The following CAPS2 variants were observed in gnomAD, a reference collection of about 807,000 sequenced individuals.
CAPS2 encodes the protein calcyphosine 2.
In CAPS2, 98 loss-of-function variants were observed where a neutral mutation model predicts 86.5. The ratio of observed to expected loss-of-function variants is 1.13; its 90% CI spans 0.96 to 1.34. CAPS2 has a LOEUF of 1.34. Among genes scored for constraint, CAPS2 ranks in the 40% most tolerant of loss-of-function variants. CAPS2 has a pLI of 0.00. For missense variants in CAPS2, 729 were observed against 686.8 expected (o/e 1.06, Z -0.69); for synonymous variants, 210 against 225.1 (o/e 0.93, Z 0.60).
exon 6 of CAPS2, chr12:75,316,433 C>A (rs1387745300): frequency 1.3e-6 from 2 of 1,538,582 alleles, no homozygotes; most frequent in Admixed American, 4.1e-5. Flanking sequence ...ATCTTGCACA[C>A]ACTATGCATG....
intron 1 of CAPS2, among the ~76,000 whole-genome samples, chr12:75,384,107 C>G (rs1403169085): frequency 6.6e-6 from 1 of 150,842 alleles, no homozygotes; most frequent in African/African-American, 2.4e-5. Context: ...CTGTTAGAAA[C>G]TAGAAAAAAA....
chr12:75,365,643 C>T (rs1337847330), intron 1 of CAPS2, among the ~76,000 whole-genome samples: 8 of 152,040 alleles, frequency 5.3e-5, no homozygotes, highest in Admixed American at 6.6e-5. Flanking sequence ...TTCAAACAAA[C>T]TTTAGACAAG....
chr12:75,334,702 C>G (rs1426953182), upstream of CAPS2: 1 of 1,600,804 alleles, frequency 6.2e-7, no homozygotes, highest in Admixed American at 1.7e-5. Context: ...GCAGTCAGGG[C>G]ATCCTCCGCA....
At chr12:75,300,425 G>T (rs4882684) in intron 8 of CAPS2, among the ~76,000 whole-genome samples, 1 of 151,378 alleles carries the variant, frequency 6.6e-6, no homozygotes, top group Admixed American at 6.6e-5. Flanking sequence ...GCGTGGTGGT[G>T]GGCGCCCGTA....
chr12:75,299,876 A>G (rs2037520164), exon 9 of CAPS2: 1 of 1,541,462 alleles, frequency 6.5e-7, no homozygotes, highest in Non-Finnish European at 8.8e-7. Flanking sequence ...TTTATGAGAA[A>G]GCACATTTTC....
At chr12:75,303,228 G>A (rs776158231) in intron 8 of CAPS2, among the ~76,000 whole-genome samples, 1 of 152,152 alleles carries the variant, frequency 6.6e-6, no homozygotes, top group Non-Finnish European at 1.5e-5. Flanking sequence ...CAAACCTAAT[G>A]TTGGGTAAAA....
chr12:75,344,039 C>T (rs758708826), intron 1 of CAPS2: 30 of 979,762 alleles, frequency 3.1e-5, no homozygotes, highest in Non-Finnish European at 4.2e-5. Flanking sequence ...TTTCTGGCTG[C>T]CTTTACATTT....
At chr12:75,385,163 C>A (rs1486159047) in intron 1 of CAPS2, among the ~76,000 whole-genome samples, 3 of 152,036 alleles carry the variant, frequency 2.0e-5, no homozygotes, top group African/African-American at 7.2e-5. Flanking sequence ...CAAACGCAGC[C>A]CCTCAACCTT....
intron 16 of CAPS2, 144 bp downstream of exon 16, chr12:75,282,107 C>G (rs2034059189): frequency 1.6e-6 from 1 of 617,110 alleles, no homozygotes; most frequent in African/African-American, 1.9e-5. Flanking sequence ...TGAAGAAAGG[C>G]AAATAGTTCA....
At chr12:75,310,734 G>T (rs188522539) in intron 7 of CAPS2, among the ~76,000 whole-genome samples, 1 of 152,186 alleles carries the variant, frequency 6.6e-6, no homozygotes, top group Admixed American at 6.5e-5. Flanking sequence ...ACTAAGTCAT[G>T]CAAATGCGGA....
intron 14 of CAPS2, among the ~76,000 whole-genome samples, chr12:75,288,725 C>T (rs561502530): frequency 6.6e-6 from 1 of 152,214 alleles, no homozygotes; most frequent in South Asian, 2.1e-4. Context: ...TAAATTTATC[C>T]ATTCAAACTA....
chr12:75,353,585 C>G (rs910053964), intron 1 of CAPS2, among the ~76,000 whole-genome samples: 2 of 152,098 alleles, frequency 1.3e-5, no homozygotes, highest in African/African-American at 2.4e-5. Context: ...AGCTGATACC[C>G]TTTCTTCTGA....
downstream of CAPS2, chr12:75,276,505 A>G (rs1343059975): frequency 7.2e-6 from 7 of 974,082 alleles, no homozygotes; most frequent in African/African-American, 1.1e-4. Flanking sequence ...GTTCATTAGC[A>G]CATATATTTA....
chr12:75,352,131 T>A (rs1044545809), intron 1 of CAPS2, among the ~76,000 whole-genome samples: 1 of 152,236 alleles, frequency 6.6e-6, no homozygotes, highest in Admixed American at 6.5e-5. Flanking sequence ...AGCATCATGA[T>A]GACAGGATCA....
chr12:75,341,588 A>T (rs557103064), intron 1 of CAPS2, among the ~76,000 whole-genome samples: 1 of 151,844 alleles, frequency 6.6e-6, no homozygotes, highest in Non-Finnish European at 1.5e-5. Context: ...CTGAGACTAC[A>T]GGCGCCCGCC....
At chr12:75,303,137 G>A (rs2038019934) in intron 8 of CAPS2, among the ~76,000 whole-genome samples, 1 of 152,186 alleles carries the variant, frequency 6.6e-6, no homozygotes. Context: ...TAGATAGGTT[G>A]TGGCATGTGG....
exon 11 of CAPS2, chr12:75,298,772 A>C (rs376920121): frequency 6.2e-7 from 1 of 1,613,228 alleles, no homozygotes; most frequent in African/African-American, 1.3e-5. Flanking sequence ...AAAAGGAAGC[A>C]CATTTGTTCT....
intron 1 of CAPS2, among the ~76,000 whole-genome samples, chr12:75,368,682 T>C (rs2044156924): frequency 6.6e-6 from 1 of 152,000 alleles, no homozygotes; most frequent in Non-Finnish European, 1.5e-5. Context: ...ATTTTTGACT[T>C]CAAGTTTGTA....
At chr12:75,334,917 G>A (rs761650107), upstream of CAPS2, 1 of 1,610,062 alleles carries the variant, frequency 6.2e-7, no homozygotes, top group Non-Finnish European at 8.5e-7. Flanking sequence ...GAAAGAACCA[G>A]GGCTGGGCTC....
Sources: allele counts gnomAD v4.1 joint callset (sites outside exome capture counted in the v4.1 genomes callset), GRCh38; gene constraint gnomAD v4.1.1; transcripts MANE v1.5; gene names NCBI Gene and HGNC (gene_info 2026-07-23, HGNC 2026-07-21).